ADGRB3: variants seen among roughly 807,000 people sequenced by gnomAD.
ADGRB3 encodes the protein brain-specific angiogenesis inhibitor 3.
Under a neutral mutation model 193.4 loss-of-function variants are expected in ADGRB3, and 37 were observed. That is an observed-to-expected ratio of 0.19 (90% confidence interval 0.15 to 0.25). The LOEUF is 0.25. ADGRB3 is among the 10% of genes least tolerant of loss of function. ADGRB3 has a pLI of 1.00. For missense variants in ADGRB3, 1,637 were observed against 1,852.9 expected, an observed-to-expected ratio of 0.88 and a Z score of 2.14; for synonymous variants, 690 against 644.2, an observed-to-expected ratio of 1.07 and a Z score of -1.08.
chr6:68,897,247 C>A (rs535670103), intron 3 of ADGRB3, among the ~76,000 whole-genome samples: 1 of 151,720 alleles, frequency 6.6e-6, no homozygotes, highest in Admixed American at 6.6e-5. Context: ...GCAATGCCAG[C>A]ATTTTGGGAA....
chr6:68,884,464 C>A (rs1470012643), intron 3 of ADGRB3, among the ~76,000 whole-genome samples: 2 of 151,872 alleles, frequency 1.3e-5, no homozygotes, highest in South Asian at 2.1e-4. Context: ...AGGCTGAAAC[C>A]CGGGGAGTGA....
rs780540576 is a variant in ADGRB3 at position 69,049,316 on chromosome 6, A to G, written c.2303A>G (p.Lys768Arg). ...SVFVLGAVLY[K>R]NLDLILPTLR... is the part of the protein sequence containing the mutation. Reference sequence around the variant, plus strand: ...TTTGTTCTTGGCGCAGTCCTATACAAAAACTTAGATCTAATTTTGCCCACT... The same window carrying G: ...TTTGTTCTTGGCGCAGTCCTATACAGAAACTTAGATCTAATTTTGCCCACT... Residue 768 changes from lysine to arginine, a missense_variant, in exon 15 of 32, where the codon AAA becomes AGA. By Grantham distance (26) the Lys-to-Arg change is conservative. Transcript: ENST00000370598. The G allele has an allele frequency of 2.5e-6, 4 of 1,609,170 alleles. No individual in the cohort carries two copies. The highest frequency in any genetic ancestry group is 3.4e-6 in the Non-Finnish European group (4 of 1,177,238).
chr6:69,032,804 A>G (rs112059758), intron 13 of ADGRB3, among the ~76,000 whole-genome samples: 2 of 152,318 alleles, frequency 1.3e-5, no homozygotes, highest in African/African-American at 4.8e-5. Flanking sequence ...AAAACATGCT[A>G]GCTTTGGAGT....
chr6:69,016,768 G>A (rs1431376017), intron 12 of ADGRB3, among the ~76,000 whole-genome samples: 3 of 151,846 alleles, frequency 2.0e-5, no homozygotes, highest in Non-Finnish European at 4.4e-5. Context: ...GAGAAAAAGT[G>A]CTTACAATTA....
At chr6:69,132,583 C>G (rs960257649) in intron 17 of ADGRB3, among the ~76,000 whole-genome samples, 1 of 152,106 alleles carries the variant, frequency 6.6e-6, no homozygotes, top group African/African-American at 2.4e-5. Flanking sequence ...GCTGCCTGTC[C>G]ACTCTAATGA....
At chr6:69,136,513 A>C (rs1774152922) in intron 17 of ADGRB3, among the ~76,000 whole-genome samples, 1 of 152,122 alleles carries the variant, frequency 6.6e-6, no homozygotes, top group Non-Finnish European at 1.5e-5. Flanking sequence ...AGTTTCTTTT[A>C]TTTAATATTA....
At chr6:69,024,567 G>T (rs909013021) in intron 13 of ADGRB3, among the ~76,000 whole-genome samples, 2 of 152,090 alleles carry the variant, frequency 1.3e-5, no homozygotes, top group African/African-American at 4.8e-5. Flanking sequence ...CAAATAAGAA[G>T]GGAATGGTTT....
At chr6:69,318,281 A>T (rs1052113897) in intron 20 of ADGRB3, among the ~76,000 whole-genome samples, 4 of 151,478 alleles carry the variant, frequency 2.6e-5, no homozygotes, top group African/African-American at 4.8e-5. Flanking sequence ...AACATTTTTT[A>T]AAATTATTAT....
chr6:68,810,227 A>T (rs1249418078), intron 3 of ADGRB3, among the ~76,000 whole-genome samples: 1 of 152,154 alleles, frequency 6.6e-6, no homozygotes, highest in Non-Finnish European at 1.5e-5. Flanking sequence ...GGAAGCTGTG[A>T]TTCCTTTCGG....
At chr6:69,183,995 T>C (rs2150352460) in intron 17 of ADGRB3, among the ~76,000 whole-genome samples, 1 of 152,192 alleles carries the variant, frequency 6.6e-6, no homozygotes, top group East Asian at 1.9e-4. Flanking sequence ...TCACAAAAAC[T>C]CAAGTGTGAT....
At chr6:69,139,026 A>G (rs1415506543) in intron 17 of ADGRB3, among the ~76,000 whole-genome samples, 1 of 152,226 alleles carries the variant, frequency 6.6e-6, no homozygotes. Context: ...GTACTGAGAT[A>G]AATTACTCAC....
In ADGRB3 at chr6:68,840,369, CTTTT is replaced by C. The variant is rs752625602; in HGVS notation, c.758-90154_758-90151del. On this transcript the variant is annotated intron_variant, in intron 3 of 31. Coordinates refer to ENST00000370598, the MANE Select transcript of ADGRB3 (RefSeq NM_001704.3). The stretch of plus-strand genomic sequence containing the variant: ...GCAGTGGAGTAAGGCACTGGGCAGT[CTTTT>C]TTTTTTTTTTTTTTTTTTTTTTTTT... Among the ~76,000 whole-genome samples, 9 of 69,426 alleles carry C rather than the reference CTTTT, an allele frequency of 1.3e-4. No individual in the cohort carries two copies. In the East Asian group the frequency reaches 1.5e-3, roughly 11 times the overall value. The allele number at this position is 69,426 out of a possible 152,430, so 45.5% of individuals were successfully genotyped here.
intron 3 of ADGRB3, among the ~76,000 whole-genome samples, chr6:68,657,669 C>T (rs902261610): frequency 6.6e-6 from 1 of 151,334 alleles, no homozygotes; most frequent in African/African-American, 2.4e-5. Context: ...ACTTACTCAA[C>T]TTGTAAAGGG....
intron 26 of ADGRB3, among the ~76,000 whole-genome samples, chr6:69,340,922 T>C (rs532922247): frequency 1.3e-5 from 2 of 152,342 alleles, no homozygotes; most frequent in African/African-American, 2.4e-5. Flanking sequence ...ACTTCATCCA[T>C]GTCCCTGCAA....
At chr6:68,648,615 C>T (rs924212269) in intron 3 of ADGRB3, among the ~76,000 whole-genome samples, 2 of 150,546 alleles carry the variant, frequency 1.3e-5, no homozygotes, top group Non-Finnish European at 3.0e-5. Context: ...GAGTCAACCA[C>T]GGAAGATTAT....
chr6:69,112,575 A>G (rs186566923), intron 17 of ADGRB3, among the ~76,000 whole-genome samples: 3 of 152,318 alleles, frequency 2.0e-5, no homozygotes, highest in Admixed American at 1.3e-4. Flanking sequence ...CTATATAGCT[A>G]TATCAATGTG....
At chr6:68,915,500 A>G (rs1375647375) in intron 3 of ADGRB3, among the ~76,000 whole-genome samples, 4 of 152,310 alleles carry the variant, frequency 2.6e-5, no homozygotes, top group Middle Eastern at 3.4e-3. Flanking sequence ...AAAAGACAAA[A>G]TATTAAGGGT....
intron 6 of ADGRB3, 57 bp downstream of exon 6, chr6:68,944,051 AG>A: frequency 6.7e-7 from 1 of 1,497,800 alleles, no homozygotes; most frequent in Non-Finnish European, 9.1e-7. Context: ...TATGATTCCT[AG>A]TGTACACAAG....
chr6:69,023,239 G>A (rs546062599), intron 13 of ADGRB3, among the ~76,000 whole-genome samples: 3 of 152,128 alleles, frequency 2.0e-5, no homozygotes, highest in South Asian at 4.2e-4. Flanking sequence ...AGAAAATTGC[G>A]GTCTAGTTGT....
Sources: allele counts gnomAD v4.1 joint callset (sites outside exome capture counted in the v4.1 genomes callset), GRCh38; gene constraint gnomAD v4.1.1; transcripts MANE v1.5; gene names NCBI Gene and HGNC (gene_info 2026-07-23, HGNC 2026-07-21).